KCNN2: variants seen among roughly 807,000 people sequenced by gnomAD.
The protein encoded by KCNN2 is potassium calcium-activated channel subfamily N member 2.
A neutral mutation model predicts 55.5 loss-of-function variants in KCNN2; 24 were observed. That is an observed-to-expected ratio of 0.43 (90% confidence interval 0.31 to 0.61). The LOEUF is 0.61. KCNN2 is among the 20% of genes least tolerant of loss of function. The pLI, the probability that KCNN2 is intolerant of heterozygous loss-of-function variation, is 0.08. For missense variants in KCNN2, 754 were observed against 853.6 expected (o/e 0.88, Z 1.45); for synonymous variants, 431 against 336.1 (o/e 1.28, Z -3.09).
At chr5:114,241,770 ATATACATATATACG>A (rs1561537109) in intron 2 of KCNN2, among the ~76,000 whole-genome samples, 442 of 12,316 alleles carry the variant, frequency 0.036, 142 homozygotes, top group Admixed American at 0.13. Context: ...ATACGTATAT[ATATACATATATACG>A]TATATATATG....
chr5:114,379,227 GTTT>G (rs1342324793), intron 2 of KCNN2, among the ~76,000 whole-genome samples: 3 of 151,832 alleles, frequency 2.0e-5, no homozygotes, highest in Non-Finnish European at 4.4e-5. Flanking sequence ...CTCGCCATCC[GTTT>G]TCTTCTGCCC....
chr5:114,157,267 G>T (rs1398285368), intron 1 of KCNN2, among the ~76,000 whole-genome samples: 1 of 150,964 alleles, frequency 6.6e-6, no homozygotes, highest in Admixed American at 6.6e-5. Context: ...TTGGCCCTTT[G>T]TCCTTGCCAT....
At chr5:114,149,597 G>A (rs911856742) in intron 1 of KCNN2, among the ~76,000 whole-genome samples, 16 of 151,970 alleles carry the variant, frequency 1.1e-4, no homozygotes, top group Admixed American at 1.0e-3. Context: ...GAGGTGAGAT[G>A]GTCACATGGG....
At chr5:114,197,291 T>C (rs905935185) in intron 1 of KCNN2, among the ~76,000 whole-genome samples, 13 of 152,206 alleles carry the variant, frequency 8.5e-5, no homozygotes, top group African/African-American at 3.1e-4. Flanking sequence ...TTGAGAAGAA[T>C]GTGTATTCTG....
chr5:114,418,111 T>C (rs1759362582), intron 3 of KCNN2, among the ~76,000 whole-genome samples: 3 of 152,206 alleles, frequency 2.0e-5, no homozygotes, highest in Admixed American at 6.5e-5. Flanking sequence ...AGGGTCGTTA[T>C]GAAGAAGATT....
chr5:114,202,732 G>T (rs997554753), intron 1 of KCNN2, among the ~76,000 whole-genome samples: 2 of 151,266 alleles, frequency 1.3e-5, no homozygotes, highest in Non-Finnish European at 3.0e-5. Flanking sequence ...GACTACAGGC[G>T]CCTGCCACCA....
intron 2 of KCNN2, among the ~76,000 whole-genome samples, chr5:114,309,363 A>C (rs559811563): frequency 6.6e-6 from 1 of 152,312 alleles, no homozygotes; most frequent in South Asian, 2.1e-4. Flanking sequence ...GCAGGCTCAC[A>C]CAACAGCAGG....
At chr5:114,089,894 G>A (rs866250337) in intron 1 of KCNN2, among the ~76,000 whole-genome samples, 50 of 152,086 alleles carry the variant, frequency 3.3e-4, no homozygotes, top group Non-Finnish European at 4.0e-4. Flanking sequence ...AGTACAAATC[G>A]AGGATCTGAG....
chr5:114,347,994 T>A (rs1295930719), intron 2 of KCNN2, among the ~76,000 whole-genome samples: 1 of 152,128 alleles, frequency 6.6e-6, no homozygotes, highest in African/African-American at 2.4e-5. Context: ...AGTGAGACCC[T>A]TGCTAACTAC....
At chr5:114,237,197 A>ACT (rs1448870270) in intron 2 of KCNN2, among the ~76,000 whole-genome samples, 1 of 150,814 alleles carries the variant, frequency 6.6e-6, no homozygotes, top group Admixed American at 6.7e-5. Flanking sequence ...TTGTTGCAAC[A>ACT]CTCTCTCTCA....
At chr5:114,191,849 T>G (rs1016538391) in intron 1 of KCNN2, among the ~76,000 whole-genome samples, 1 of 152,176 alleles carries the variant, frequency 6.6e-6, no homozygotes, top group Non-Finnish European at 1.5e-5. Context: ...AGAAGCTTCC[T>G]TTGAGCCATT....
intron 4 of KCNN2, among the ~76,000 whole-genome samples, chr5:114,470,447 G>A (rs546064862): frequency 6.6e-6 from 1 of 152,252 alleles, no homozygotes; most frequent in East Asian, 1.9e-4. Flanking sequence ...GCCTGTGTTT[G>A]TCGAGCATAC....
intron 1 of KCNN2, among the ~76,000 whole-genome samples, chr5:114,075,767 G>A (rs1005277868): frequency 6.6e-6 from 1 of 152,190 alleles, no homozygotes; most frequent in South Asian, 2.1e-4. Flanking sequence ...GTCTGGAAAA[G>A]TGCTTGCACG....
intron 3 of KCNN2, among the ~76,000 whole-genome samples, chr5:114,462,691 G>A (rs1761263956): frequency 6.6e-6 from 1 of 152,166 alleles, no homozygotes; most frequent in Non-Finnish European, 1.5e-5. Context: ...GAGTGAGATT[G>A]GGCAGCTGCA....
At chr5:114,409,354 A>G (rs1379525191) in intron 3 of KCNN2, among the ~76,000 whole-genome samples, 1 of 152,210 alleles carries the variant, frequency 6.6e-6, no homozygotes, top group Non-Finnish European at 1.5e-5. Context: ...GTTTTTCCGT[A>G]AATTTGCAAT....
chr5:114,429,558 T>G (rs1374259668), intron 3 of KCNN2, among the ~76,000 whole-genome samples: 1 of 152,128 alleles, frequency 6.6e-6, no homozygotes, highest in Non-Finnish European at 1.5e-5. Flanking sequence ...ACTCCCAGTC[T>G]GTGGCTTGTA....
intron 2 of KCNN2, among the ~76,000 whole-genome samples, chr5:114,241,822 G>A (rs947848006): frequency 0.098 from 623 of 6,350 alleles, 138 homozygotes; most frequent in African/African-American, 0.13. Flanking sequence ...ATATATATGT[G>A]TGTATATATA....
At chr5:114,247,561 A>G (rs1185365839) in intron 2 of KCNN2, among the ~76,000 whole-genome samples, 4 of 152,232 alleles carry the variant, frequency 2.6e-5, no homozygotes, top group African/African-American at 9.6e-5. Context: ...TAGATTAAGT[A>G]TCCACTTTCA....
At chr5:114,346,722 C>A (rs1262707869) in intron 2 of KCNN2, among the ~76,000 whole-genome samples, 3 of 138,114 alleles carry the variant, frequency 2.2e-5, no homozygotes, top group Non-Finnish European at 3.1e-5. Context: ...ATGGCAGTAA[C>A]AATGAGTTAC....
Sources: allele counts gnomAD v4.1 joint callset (sites outside exome capture counted in the v4.1 genomes callset), GRCh38; gene constraint gnomAD v4.1.1; transcripts MANE v1.5; gene names NCBI Gene and HGNC (gene_info 2026-07-23, HGNC 2026-07-21).